Variants in FNDC7 observed in about 807,000 individuals in gnomAD.
FNDC7 encodes the protein fibronectin type III domain-containing protein 7.
FNDC7 carries 66 observed loss-of-function variants against 74.2 expected under a neutral mutation model. The observed-to-expected ratio is 0.89, with a 90% CI of 0.73 to 1.09. The LOEUF is 1.09. Ranked by LOEUF, FNDC7 falls within the 50% of genes least tolerant of loss-of-function variation. FNDC7 has a pLI of 0.00. For missense variants in FNDC7, 829 were observed against 893.4 expected, an observed-to-expected ratio of 0.93 and a Z score of 0.92; for synonymous variants, 307 against 330.2, an observed-to-expected ratio of 0.93 and a Z score of 0.76.
At chr1:108,726,572 A>G (rs1661224048) in intron 6 of FNDC7, among the ~76,000 whole-genome samples, 1 of 151,714 alleles carries the variant, frequency 6.6e-6, no homozygotes, top group Non-Finnish European at 1.5e-5. Context: ...AGCATGATGC[A>G]CATATTTTTA....
intron 11 of FNDC7, among the ~76,000 whole-genome samples, chr1:108,739,719 C>A (rs905286848): frequency 6.6e-6 from 1 of 152,154 alleles, no homozygotes; most frequent in Admixed American, 6.5e-5. Flanking sequence ...CCATCAGGTT[C>A]CCAGGTGATT....
chr1:108,738,123 G>C (rs1188615111), intron 11 of FNDC7, among the ~76,000 whole-genome samples: 1 of 152,202 alleles, frequency 6.6e-6, no homozygotes, highest in Admixed American at 6.5e-5. Context: ...GGTGATGCTG[G>C]CGATGCCGAG....
At chr1:108,716,757 C>G (rs887308878) in intron 2 of FNDC7, among the ~76,000 whole-genome samples, 2 of 151,908 alleles carry the variant, frequency 1.3e-5, no homozygotes, top group African/African-American at 4.8e-5. Flanking sequence ...TACTCCTTCT[C>G]CCTCTTTGCC....
At chr1:108,740,102 TA>T (rs1236291804) in intron 11 of FNDC7, among the ~76,000 whole-genome samples, 3 of 151,398 alleles carry the variant, frequency 2.0e-5, no homozygotes, top group African/African-American at 7.3e-5. Context: ...TGAGGGTTTC[TA>T]AGGTCATATG....
chr1:108,737,454 A>G, intron 10 of FNDC7, 41 bp from the exon 11 acceptor site: 1 of 1,515,130 alleles, frequency 6.6e-7, no homozygotes, highest in South Asian at 1.2e-5. Context: ...AAATACATAA[A>G]TGAATAGATT....
Position 108,727,898 on chromosome 1 carries a change from A to G in FNDC7, c.1202A>G (p.Tyr401Cys). The G allele has an allele frequency of 1.2e-6, 2 of 1,614,204 alleles. No homozygotes were observed. The highest frequency in any genetic ancestry group is 1.6e-4 in the Middle Eastern group (1 of 6,062). ...VWSPVRGAELYETKAVDGYNM... is the reference protein window; with the variant it reads ...VWSPVRGAELCETKAVDGYNM... ...TCTCCTGTCCGTGGTGCCGAACTGT[A>G]TGAAACCAAGGCTGTAGATGGGTAC... Residue 401 changes from tyrosine (Y) to cysteine (C), a missense_variant, in exon 7 of 13, where the codon TAT becomes TGT. By Grantham distance (194) the Tyr-to-Cys change is radical. Transcript: ENST00000370017.
chr1:108,733,212 A>G, intron 9 of FNDC7, 60 bp from the exon 10 acceptor site: 2 of 1,582,428 alleles, frequency 1.3e-6, no homozygotes, highest in Admixed American at 1.8e-5. Context: ...AATCAAGGCC[A>G]TTTTTGGATG....
intron 1 of FNDC7, 52 bp downstream of exon 1, chr1:108,713,048 C>G: frequency 6.9e-7 from 1 of 1,457,856 alleles, no homozygotes; most frequent in Non-Finnish European, 9.4e-7. Flanking sequence ...AAAAGAAAGA[C>G]ACATTATTTT....
At chr1:108,726,677 T>G (rs1052550650) in intron 6 of FNDC7, among the ~76,000 whole-genome samples, 1 of 151,964 alleles carries the variant, frequency 6.6e-6, no homozygotes, top group African/African-American at 2.4e-5. Flanking sequence ...CTCTTCATCC[T>G]CAGTGCTTAT....
At chr1:108,729,133 A>G (rs1204278093) in intron 8 of FNDC7, among the ~76,000 whole-genome samples, 3 of 152,248 alleles carry the variant, frequency 2.0e-5, no homozygotes, top group Non-Finnish European at 4.4e-5. Flanking sequence ...ATTCTGCAAA[A>G]CATTTATTTG....
At chr1:108,715,199 G>A (rs191159098) in intron 2 of FNDC7, among the ~76,000 whole-genome samples, 2 of 152,296 alleles carry the variant, frequency 1.3e-5, no homozygotes, top group African/African-American at 4.8e-5. Context: ...CTGTGTATCT[G>A]TGTCTGGTCA....
At position 108,713,433 on chromosome 1, in the gene FNDC7, C is replaced by A. The variant is rs1310027906; in HGVS notation, c.64-78C>A. ...TAAAAATGTTGTGATTAATTTATTA[C>A]CGCTTTTATTCATGTTTTACGTTTG... On this transcript the variant is annotated intron_variant, in intron 1 of 12. Transcript: ENST00000370017. 7.6e-6 allele frequency: 9 copies of A among 1,189,276 alleles called. No individual in the cohort carries two copies. The South Asian group carries it at 1.1e-4, about 14-fold the overall frequency. The allele number at this position is 1,189,276 out of a possible 1,614,324, so 73.7% of individuals were successfully genotyped here. A position where few individuals can be genotyped will look rare whatever the true frequency, so the allele number is the denominator to read the frequency against.
At chr1:108,727,265 C>T (rs1256798502) in intron 6 of FNDC7, among the ~76,000 whole-genome samples, 2 of 152,154 alleles carry the variant, frequency 1.3e-5, no homozygotes, top group African/African-American at 4.8e-5. Flanking sequence ...GCAGAGGTTG[C>T]TGTGAGCTGA....
intron 9 of FNDC7, among the ~76,000 whole-genome samples, 169 bp downstream of exon 9, chr1:108,731,097 A>C (rs746627428): frequency 1.3e-5 from 2 of 152,194 alleles, no homozygotes; most frequent in African/African-American, 4.8e-5. Flanking sequence ...AGAACCTCAA[A>C]GCTTCAGAGG....
At position 108,719,636 on chromosome 1, in the gene FNDC7, A is replaced by T. The variant is rs183377349; in HGVS notation, c.598+587A>T. On this transcript the variant is annotated intron_variant, in intron 4 of 12. Coordinates refer to ENST00000370017, the MANE Select transcript of FNDC7 (RefSeq NM_001144937.3). ...TCCTCCAGCTGTGGGGAGAAGCTGA[A>T]GCTTGGTGTGCATTTTCTCACCGTC... 8.3e-3 allele frequency among the ~76,000 whole-genome samples: 1,262 copies of T among 152,228 alleles called. 7 individuals carry two copies. Among genetic ancestry groups the T allele is most frequent in the Non-Finnish European group, 0.013 (889 of 68,006 alleles).
intron 10 of FNDC7, 113 bp downstream of exon 10, chr1:108,733,645 C>CT: frequency 1.2e-5 from 9 of 728,904 alleles, no homozygotes; most frequent in South Asian, 5.1e-5. Context: ...TATAAAATTT[C>CT]TTTCTTTTTT....
chr1:108,726,492 T>G (rs1334434708), intron 6 of FNDC7, among the ~76,000 whole-genome samples: 1 of 152,138 alleles, frequency 6.6e-6, no homozygotes, highest in Admixed American at 6.6e-5. Context: ...TGCTAGTTCC[T>G]TAGTATCCTC....
intron 2 of FNDC7, among the ~76,000 whole-genome samples, chr1:108,715,679 A>G (rs867641021): frequency 4.0e-4 from 61 of 152,168 alleles, no homozygotes; most frequent in Middle Eastern, 6.8e-3. Context: ...GCGCACACAC[A>G]CACACACACA....
chr1:108,713,746 T>C (rs936402646), intron 2 of FNDC7, among the ~76,000 whole-genome samples: 1 of 152,198 alleles, frequency 6.6e-6, no homozygotes, highest in African/African-American at 2.4e-5. Flanking sequence ...CAAATCTTCA[T>C]AAAGTGTTCT....
Sources: allele counts gnomAD v4.1 joint callset (sites outside exome capture counted in the v4.1 genomes callset), GRCh38; gene constraint gnomAD v4.1.1; transcripts MANE v1.5; gene names NCBI Gene and HGNC (gene_info 2026-07-23, HGNC 2026-07-21).